Variants in GLRA3 observed in about 807,000 individuals in gnomAD.
The protein encoded by GLRA3 is glycine receptor alpha 3, also known as glycine receptor subunit alpha-3.
GLRA3 carries 44 observed loss-of-function variants against 60.4 expected under a neutral mutation model. The observed-to-expected ratio is 0.73, with a 90% confidence interval of 0.57 to 0.94. The LOEUF (loss-of-function observed/expected upper bound fraction) is 0.94, where lower values mean the gene tolerates loss of function less well. Among genes scored for constraint, GLRA3 ranks in the 40% least tolerant of loss-of-function variants. GLRA3 has a pLI of 0.00. For missense variants in GLRA3, 508 were observed against 564.6 expected, an observed-to-expected ratio of 0.90 and a Z score of 1.02; for synonymous variants, 223 against 192.9, an observed-to-expected ratio of 1.16 and a Z score of -1.29.
rs1278446630 is a variant in GLRA3, at chr4:174,790,849, AAG to A, written c.72-1908_72-1907del. Among the ~76,000 whole-genome samples, 440 of 147,396 alleles carry A rather than the reference AAG, an allele frequency of 3.0e-3. 15 individuals are homozygous for A. Among genetic ancestry groups the A allele is most frequent in the African/African-American group, 0.011 (422 of 39,510 alleles). Reference sequence around the variant, plus strand: ...ACAAAAAAAAAAAAAAAAAAAAAGAAAGAAATTAGCCGGGCGTAGTGGCGGGC... The same window carrying A: ...ACAAAAAAAAAAAAAAAAAAAAAGAAAAATTAGCCGGGCGTAGTGGCGGGC... On this transcript the variant is annotated intron_variant, in intron 1 of 9. Coordinates refer to ENST00000274093, the MANE Select transcript of GLRA3 (RefSeq NM_006529.4).
At position 174,812,508 on chromosome 4, in the gene GLRA3, C is replaced by T. The variant is rs550020216; in HGVS notation, c.71+16233G>A. ...ATTCCTGTAGTGCAAGAAGCCCTACCTCTGCCTGGAGAGAGAAAATGGCAT... is the reference window on the plus strand; with the variant it reads ...ATTCCTGTAGTGCAAGAAGCCCTACTTCTGCCTGGAGAGAGAAAATGGCAT... On this transcript the variant is annotated intron_variant, in intron 1 of 9. Coordinates refer to ENST00000274093, the MANE Select transcript of GLRA3 (RefSeq NM_006529.4). Among the ~76,000 whole-genome samples, 5 of 151,966 alleles carry T rather than the reference C, an allele frequency of 3.3e-5. No homozygotes were observed. The South Asian group carries it at 8.3e-4, about 25-fold the overall frequency.
At chr4:174,744,715 A>G (rs996719892) in intron 3 of GLRA3, among the ~76,000 whole-genome samples, 1 of 152,226 alleles carries the variant, frequency 6.6e-6, no homozygotes, top group Non-Finnish European at 1.5e-5. Flanking sequence ...TTACATATAT[A>G]TCAACATAAG....
intron 9 of GLRA3, among the ~76,000 whole-genome samples, chr4:174,652,168 C>T (rs1035552355): frequency 1.3e-5 from 2 of 151,958 alleles, no homozygotes; most frequent in Non-Finnish European, 2.9e-5. Flanking sequence ...CATAAATTAT[C>T]CTGTGTTTAT....
intron 1 of GLRA3, among the ~76,000 whole-genome samples, chr4:174,798,800 T>A (rs1041204167): frequency 1.3e-5 from 2 of 152,024 alleles, no homozygotes; most frequent in African/African-American, 4.8e-5. Flanking sequence ...GGTGAGCGCC[T>A]GTAGTCCCAG....
chr4:174,815,132 A>T (rs774659678), intron 1 of GLRA3, among the ~76,000 whole-genome samples: 5 of 152,236 alleles, frequency 3.3e-5, no homozygotes, highest in Non-Finnish European at 7.3e-5. Flanking sequence ...TAGAGGCCCC[A>T]TACAAGTCCA....
chr4:174,809,972 C>G (rs1010317494), intron 1 of GLRA3, among the ~76,000 whole-genome samples: 6 of 151,876 alleles, frequency 4.0e-5, no homozygotes, highest in Non-Finnish European at 7.4e-5. Flanking sequence ...AAATAAAAAG[C>G]CTTAAAGAAA....
intron 5 of GLRA3, among the ~76,000 whole-genome samples, chr4:174,694,589 T>C (rs997990337): frequency 6.6e-6 from 1 of 152,142 alleles, no homozygotes; most frequent in Non-Finnish European, 1.5e-5. Flanking sequence ...TAAGGCAGTG[T>C]TAAGAAGGAC....
At position 174,705,379 on chromosome 4, in the gene GLRA3, G is replaced by T. The variant is rs375822902; in HGVS notation, c.574+10109C>A. ...CAATACATTTCTATCCATTAAAAATGACCTAATCTGTGGTATTGTGTCATA... is the reference window on the plus strand; with the variant it reads ...CAATACATTTCTATCCATTAAAAATTACCTAATCTGTGGTATTGTGTCATA... On this transcript the variant is annotated intron_variant, in intron 5 of 9. Coordinates refer to ENST00000274093, the MANE Select transcript of GLRA3 (RefSeq NM_006529.4). 1.4e-5 allele frequency among the ~76,000 whole-genome samples: 2 copies of T among 144,096 alleles called. 1 individual carries two copies. The highest frequency in any genetic ancestry group is 3.1e-5 in the Non-Finnish European group (2 of 64,796). The allele number at this position is 144,096 out of a possible 152,430, so 94.5% of individuals were successfully genotyped here.
rs1732642086 is a variant in GLRA3 at position 174,642,189 on chromosome 4, A to G, written c.*1597T>C. On this transcript the variant is annotated 3_prime_UTR_variant, in exon 10 of 10. Transcript: ENST00000274093. ...TGTTATTTTAAAAAATTACAATTGT[A>G]TAAGCTGATGTACAATAACATTGTA... 1 of 853,874 alleles carries G rather than the reference A, an allele frequency of 1.2e-6. No homozygotes were observed. The highest frequency in any genetic ancestry group is 1.4e-6 in the Non-Finnish European group (1 of 709,830). The allele number at this position is 853,874 out of a possible 1,614,324, so 52.9% of individuals were successfully genotyped here.
chr4:174,649,971 T>C (rs1011671529), intron 9 of GLRA3, among the ~76,000 whole-genome samples: 1 of 152,096 alleles, frequency 6.6e-6, no homozygotes. Context: ...TCCAGATCAT[T>C]GTCAAAAGTA....
chr4:174,693,875 G>A (rs1201408384), intron 5 of GLRA3, among the ~76,000 whole-genome samples: 1 of 152,024 alleles, frequency 6.6e-6, no homozygotes, highest in African/African-American at 2.4e-5. Context: ...ACTGCTCAAA[G>A]TACAGATATG....
At chr4:174,793,286 C>G (rs569521842) in intron 1 of GLRA3, among the ~76,000 whole-genome samples, 12 of 151,940 alleles carry the variant, frequency 7.9e-5, no homozygotes, top group Non-Finnish European at 1.6e-4. Flanking sequence ...CCTCACAGCT[C>G]CATTCTGGAG....
intron 5 of GLRA3, among the ~76,000 whole-genome samples, chr4:174,685,371 G>A (rs575831816): frequency 3.9e-5 from 6 of 152,308 alleles, no homozygotes; most frequent in African/African-American, 1.4e-4. Context: ...AGTAGCAAGA[G>A]CATCAGTAAC....
intron 2 of GLRA3, among the ~76,000 whole-genome samples, chr4:174,778,764 A>G (rs1354386302): frequency 2.6e-5 from 4 of 152,248 alleles, no homozygotes; most frequent in African/African-American, 4.8e-5. Flanking sequence ...CTTTTCCGAC[A>G]GGCTTAAAAA....
At chr4:174,686,149 G>A (rs1734546111) in intron 5 of GLRA3, among the ~76,000 whole-genome samples, 1 of 152,206 alleles carries the variant, frequency 6.6e-6, no homozygotes, top group African/African-American at 2.4e-5. Flanking sequence ...AAAATAGTAA[G>A]AGGCCATGGT....
intron 8 of GLRA3, among the ~76,000 whole-genome samples, chr4:174,658,823 A>T (rs1328139435): frequency 6.6e-6 from 1 of 152,182 alleles, no homozygotes; most frequent in Non-Finnish European, 1.5e-5. Flanking sequence ...AAAGAACTTG[A>T]TATAGGTCCC....
chr4:174,657,811 T>C (rs1238951262), intron 8 of GLRA3, among the ~76,000 whole-genome samples: 1 of 152,140 alleles, frequency 6.6e-6, no homozygotes, highest in Non-Finnish European at 1.5e-5. Context: ...TCTGTTTTCA[T>C]AAAAATTTAA....
chr4:174,694,894 T>A (rs1004168889), intron 5 of GLRA3, among the ~76,000 whole-genome samples: 2 of 151,974 alleles, frequency 1.3e-5, no homozygotes, highest in Non-Finnish European at 2.9e-5. Flanking sequence ...GAAGAGAATG[T>A]TACTACTGAC....
In GLRA3 at chr4:174,698,961, C is replaced by G. The variant is rs1735183531; in HGVS notation, c.575-16022G>C. On this transcript the variant is annotated intron_variant, in intron 5 of 9. Transcript: ENST00000274093. ...TATATAATTTGCCATATATATAAAG[C>G]CACATTGTTCCTCTCAGGTCTCAGA... Among the ~76,000 whole-genome samples, 4 of 151,844 alleles carry G rather than the reference C, an allele frequency of 2.6e-5. No homozygotes were observed. The South Asian group carries it at 8.3e-4, about 32-fold the overall frequency.
Sources: gnomAD v4.1 joint callset for allele counts (sites outside exome capture counted in the v4.1 genomes callset) on GRCh38, gnomAD v4.1.1 for gene constraint, MANE v1.5 for transcripts, NCBI Gene and HGNC (gene_info 2026-07-23, HGNC 2026-07-21) for gene names.